TAF4: variants seen among roughly 807,000 people sequenced by gnomAD.
TAF4 encodes TATA-box binding protein associated factor 4.
Under a neutral mutation model 90.3 loss-of-function variants are expected in TAF4, and 9 were observed. The ratio of observed to expected loss-of-function variants is 0.10; its 90% confidence interval spans 0.06 to 0.17. The LOEUF (loss-of-function observed/expected upper bound fraction) is 0.17, where lower values mean the gene tolerates loss of function less well. Ranked by LOEUF, TAF4 falls within the 10% of genes least tolerant of loss-of-function variation. TAF4 has a pLI of 1.00. For missense variants in TAF4, 1,351 were observed against 1,370.7 expected, an observed-to-expected ratio of 0.99 and a Z score of 0.23; for synonymous variants, 818 against 638.9, an observed-to-expected ratio of 1.28 and a Z score of -4.23.
chr20:62,056,260 C>T (rs144166895), intron 1 of TAF4, among the ~76,000 whole-genome samples: 50 of 152,226 alleles, frequency 3.3e-4, no homozygotes, highest in Middle Eastern at 3.4e-3. Flanking sequence ...AAAACAAGAA[C>T]GCGCTTATAC....
At chr20:62,052,577 C>T (rs1209913060) in intron 1 of TAF4, among the ~76,000 whole-genome samples, 4 of 151,884 alleles carry the variant, frequency 2.6e-5, no homozygotes, top group South Asian at 4.1e-4. Context: ...AGAATGTCCC[C>T]GCCCAGGTGT....
At position 62,014,533 on chromosome 20, in the gene TAF4, A is replaced by T; in HGVS notation, c.1521+14T>A. The T allele has an allele frequency of 6.3e-7, 1 of 1,591,550 alleles. No individual in the cohort carries two copies. Among genetic ancestry groups the T allele is most frequent in the Non-Finnish European group, 8.6e-7 (1 of 1,168,900 alleles). ...AGGGAAGGGGTTCGCACTCCAGGGC[A>T]CACGTGCACTCACCTGTACGGTGGA... On this transcript the variant is annotated intron_variant, in intron 2 of 14. Coordinates refer to ENST00000252996, the MANE Select transcript of TAF4 (RefSeq NM_003185.4).
intron 10 of TAF4, 42 bp from the exon 11 acceptor site, chr20:62,000,296 G>A (rs1270322043): frequency 1.9e-6 from 3 of 1,601,874 alleles, no homozygotes; most frequent in Non-Finnish European, 8.5e-7. Flanking sequence ...AAATCATTAA[G>A]CACAGTTCTT....
At chr20:62,000,313 C>A (rs1568927237) in intron 10 of TAF4, 59 bp from the exon 11 acceptor site, 45 of 1,580,302 alleles carry the variant, frequency 2.8e-5, no homozygotes, top group Non-Finnish European at 3.8e-5. Flanking sequence ...TCTTTCTTTA[C>A]GGCTAATCTC....
chr20:62,052,928 A>G (rs1189356985), intron 1 of TAF4, among the ~76,000 whole-genome samples: 1 of 146,434 alleles, frequency 6.8e-6, no homozygotes, highest in Non-Finnish European at 1.5e-5. Context: ...CCACCCCACA[A>G]AACGCCATTT....
At chr20:62,063,805 G>A (rs1442994692) in intron 1 of TAF4, among the ~76,000 whole-genome samples, 1 of 152,252 alleles carries the variant, frequency 6.6e-6, no homozygotes, top group African/African-American at 2.4e-5. Context: ...AAGGCTGCGC[G>A]CCGGGAGGAC....
intron 14 of TAF4, among the ~76,000 whole-genome samples, chr20:61,994,935 C>T (rs970232015): frequency 6.6e-5 from 10 of 152,200 alleles, no homozygotes; most frequent in African/African-American, 2.4e-4. Flanking sequence ...AGAGTAAGAC[C>T]TACCTTAGCA....
At chr20:61,978,512 GGAGGGCGCGAGA>G (rs1336889078) in intron 14 of TAF4, among the ~76,000 whole-genome samples, 30 of 149,808 alleles carry the variant, frequency 2.0e-4, no homozygotes, top group Non-Finnish European at 3.3e-4. Flanking sequence ...ACCAACCAAG[GGAGGGCGCGAGA>G]CCAACCAAGG....
chr20:62,031,052 G>A (rs2055901745), intron 1 of TAF4, among the ~76,000 whole-genome samples: 1 of 152,184 alleles, frequency 6.6e-6, no homozygotes, highest in Non-Finnish European at 1.5e-5. Flanking sequence ...ACGGCTTTAG[G>A]TGAAAGGCTT....
chr20:62,013,030 T>A, intron 2 of TAF4, 96 bp from the exon 3 acceptor site: 3 of 1,515,304 alleles, frequency 2.0e-6, no homozygotes, highest in Non-Finnish European at 2.7e-6. Flanking sequence ...GTAACTAGTA[T>A]ATCCAAGTGG....
chr20:62,040,360 A>G (rs2055956817), intron 1 of TAF4, among the ~76,000 whole-genome samples: 1 of 152,234 alleles, frequency 6.6e-6, no homozygotes, highest in African/African-American at 2.4e-5. Context: ...GCCAAGGGAA[A>G]GGGCCAGATG....
At chr20:62,007,274 C>A (rs1000117308) in intron 6 of TAF4, among the ~76,000 whole-genome samples, 1 of 152,254 alleles carries the variant, frequency 6.6e-6, no homozygotes, top group Non-Finnish European at 1.5e-5. Context: ...TACCCCATTC[C>A]CCGTCCCCTT....
At chr20:62,034,783 G>A (rs865774839) in intron 1 of TAF4, among the ~76,000 whole-genome samples, 12 of 151,570 alleles carry the variant, frequency 7.9e-5, no homozygotes, top group African/African-American at 2.7e-4. Context: ...TGTAAATAGA[G>A]TAATATACCA....
chr20:62,000,871 G>T, intron 9 of TAF4, 150 bp from the exon 10 acceptor site: 1 of 768,720 alleles, frequency 1.3e-6, no homozygotes, highest in Non-Finnish European at 2.1e-6. Flanking sequence ...TGCTGCATCT[G>T]CCACAGCAGA....
intron 3 of TAF4, among the ~76,000 whole-genome samples, chr20:62,011,456 CAA>C (rs1341880538): frequency 6.6e-6 from 1 of 152,194 alleles, no homozygotes; most frequent in Non-Finnish European, 1.5e-5. Context: ...ACTACCTTCT[CAA>C]AAAAGTCACT....
chr20:62,007,506 C>A, intron 6 of TAF4, 41 bp downstream of exon 6: 1 of 1,588,342 alleles, frequency 6.3e-7, no homozygotes, highest in South Asian at 1.1e-5. Context: ...CCACCCCTCC[C>A]TGGCCCTACT....
intron 1 of TAF4, among the ~76,000 whole-genome samples, chr20:62,020,482 C>T (rs1298601002): frequency 6.6e-6 from 1 of 152,250 alleles, no homozygotes; most frequent in Non-Finnish European, 1.5e-5. Context: ...TCTTCTAGAA[C>T]GCTAAACTCT....
intron 14 of TAF4, among the ~76,000 whole-genome samples, chr20:61,989,186 A>G (rs1368964049): frequency 6.6e-6 from 1 of 151,988 alleles, no homozygotes; most frequent in Non-Finnish European, 1.5e-5. Context: ...ACACTCCCCT[A>G]CATGCATTTG....
chr20:62,023,747 C>CAAAAAAAAAA (rs59813943), intron 1 of TAF4, among the ~76,000 whole-genome samples: 1 of 59,564 alleles, frequency 1.7e-5, no homozygotes, highest in African/African-American at 6.9e-5. Flanking sequence ...GACTCCATCT[C>CAAAAAAAAAA]AAAAAAAAAA....
Sources: allele counts gnomAD v4.1 joint callset (sites outside exome capture counted in the v4.1 genomes callset), GRCh38; gene constraint gnomAD v4.1.1; transcripts MANE v1.5; gene names NCBI Gene and HGNC (gene_info 2026-07-23, HGNC 2026-07-21).